The following EMC4 variants were observed in gnomAD, a reference collection of about 807,000 sequenced individuals.
EMC4 encodes ER membrane protein complex subunit 4.
EMC4 carries 9 observed loss-of-function variants against 24.2 expected under a neutral mutation model. That is an observed-to-expected ratio of 0.37 (90% CI 0.22 to 0.65). EMC4 has a LOEUF of 0.65. Among genes scored for constraint, EMC4 ranks in the 30% least tolerant of loss-of-function variants. EMC4 has a pLI of 0.59. For synonymous variants in EMC4, 86 were observed against 81.1 expected (o/e 1.06, Z -0.32); for missense variants, 169 against 234.6 (o/e 0.72, Z 1.83).
chr15:34,229,924 G>C lies in EMC4; in HGVS notation c.*136G>C, dbSNP rs756260507. The C allele has an allele frequency of 1.3e-6, 1 of 799,572 alleles. No individual in the cohort carries two copies. Among genetic ancestry groups the C allele is most frequent in the South Asian group, 1.4e-5 (1 of 69,270 alleles). The allele number at this position is 799,572 out of a possible 1,614,324, so 49.5% of individuals were successfully genotyped here. On this transcript the variant is annotated 3_prime_UTR_variant, in exon 5 of 5. Transcript: ENST00000267750. ...ACCAAAAGACTCTTTTCTCCATGGT[G>C]GGGTGACAGGTCCTAGAAGGACAAT...
At chr15:34,225,381 C>A in intron 1 of EMC4, 155 bp from the exon 2 acceptor site, 1 of 795,990 alleles carries the variant, frequency 1.3e-6, no homozygotes, top group Non-Finnish European at 2.1e-6. Flanking sequence ...ATCAGTCCTC[C>A]TGATAAGTCA....
chr15:34,225,502 G>A (rs1728530770), intron 1 of EMC4, 34 bp from the exon 2 acceptor site: 1 of 1,482,380 alleles, frequency 6.7e-7, no homozygotes, highest in African/African-American at 1.4e-5. Context: ...AGTATCGGAG[G>A]TTGCAGCTTT....
intron 4 of EMC4, 57 bp downstream of exon 4, chr15:34,228,646 C>A: frequency 1.5e-6 from 2 of 1,334,174 alleles, no homozygotes; most frequent in Admixed American, 2.4e-5. Flanking sequence ...GAATAGCTGA[C>A]CTACTTGATG....
chr15:34,228,761 G>GGCTCACT, intron 4 of EMC4, 172 bp downstream of exon 4: 1 of 495,494 alleles, frequency 2.0e-6, no homozygotes, highest in South Asian at 2.9e-5. Context: ...GCATGATCTC[G>GGCTCACT]GCAACCTCCG....
At position 34,227,724 on chromosome 15, in the gene EMC4, A is replaced by T. The variant is rs781556627; in HGVS notation, c.233A>T (p.Lys78Ile). ...RCWDIALGPLKQIPMNLFIMY... is the reference protein window; with the variant it reads ...RCWDIALGPLIQIPMNLFIMY... ...TGGGACATCGCCTTGGGTCCCCTCA[A>T]ACAGATTCCCATGAATCTCTTCATC... The change falls in exon 3 of 5, where the codon AAA (lysine) becomes ATA (isoleucine). Residue 78 changes from lysine (K) to isoleucine (I), a missense_variant. Coordinates refer to ENST00000267750, the MANE Select transcript of EMC4 (RefSeq NM_016454.4). 1 of 1,614,004 alleles carries T rather than the reference A, an allele frequency of 6.2e-7. No homozygotes were observed. The highest frequency in any genetic ancestry group is 8.5e-7 in the Non-Finnish European group (1 of 1,179,956).
At position 34,227,845 on chromosome 15, in the gene EMC4, CAGTA is replaced by C. The variant is rs1395053566; in HGVS notation, c.355+4_355+7del. ...TTCAGGCACTTATGGCCATTTCAGCCAGTAAGTATTCTTGAAACAATAACCCTTC... is the reference window on the plus strand; with the variant it reads ...TTCAGGCACTTATGGCCATTTCAGCCAGTATTCTTGAAACAATAACCCTTC... On this transcript the variant is annotated splice_donor_variant and splice_donor_region_variant and coding_sequence_variant and intron_variant, in exon 3 of 5. Coordinates refer to ENST00000267750, the MANE Select transcript of EMC4 (RefSeq NM_016454.4). LOFTEE classifies it high-confidence loss of function. 2 of 1,613,132 alleles carry C rather than the reference CAGTA, an allele frequency of 1.2e-6. No individual in the cohort carries two copies. Among genetic ancestry groups the C allele is most frequent in the East Asian group, 4.5e-5 (2 of 44,842 alleles).
rs1194299906 is a variant in EMC4 at position 34,228,598 on chromosome 15, A to G, written c.516+9A>G. The G allele has an allele frequency of 1.2e-6, 2 of 1,607,250 alleles. No individual in the cohort carries two copies. Among genetic ancestry groups the G allele is most frequent in the South Asian group, 1.1e-5 (1 of 89,854 alleles). On this transcript the variant is annotated intron_variant, in intron 4 of 4. Transcript: ENST00000267750. The stretch of plus-strand genomic sequence containing the variant: ...TCATTGAGCCCCCTGAGGTAAGGCA[A>G]AAGAAAAGCTGAATTTTGGGTAGTT...
At position 34,225,141 on chromosome 15, in the gene EMC4, T is replaced by C; in HGVS notation, c.27T>C (p.Ala9=). The change falls in exon 1 of 5, where the codon GCT becomes GCC. Residue 9 remains alanine (A), a synonymous_variant. Transcript: ENST00000267750. MTAQGGLV[A]NRGRRFKWAI... ...TGACGGCCCAGGGGGGCCTGGTGGCTAACCGAGGCCGGCGCTTCAAGTGGG... is the reference window on the plus strand; with the variant it reads ...TGACGGCCCAGGGGGGCCTGGTGGCCAACCGAGGCCGGCGCTTCAAGTGGG... 3 of 1,551,646 alleles carry C rather than the reference T, an allele frequency of 1.9e-6. No individual in the cohort carries two copies. In the South Asian group the frequency reaches 3.6e-5, roughly 18 times the overall value.
At chr15:34,225,857 A>T (rs987415855) in intron 2 of EMC4, 1 of 618,938 alleles carries the variant, frequency 1.6e-6, no homozygotes. Context: ...AACATAAGGT[A>T]TAAGAAAGTA....
chr15:34,229,877 C>A lies in EMC4; in HGVS notation c.*89C>A. 2 of 1,222,932 alleles carry A rather than the reference C, an allele frequency of 1.6e-6. No homozygotes were observed. The highest frequency in any genetic ancestry group is 2.4e-6 in the Non-Finnish European group (2 of 825,692). 75.8% of individuals were successfully genotyped at this position (1,222,932 alleles called of 1,614,324 possible). On this transcript the variant is annotated 3_prime_UTR_variant, in exon 5 of 5. Transcript: ENST00000267750. ...AGTGGCTCCTCAGCATACTCTTAAA[C>A]TAATCACTTATGTTAAAAAGAACCA... is the stretch of plus-strand genomic sequence containing the variant.
rs1024261011 is a variant in EMC4 at position 34,225,419 on chromosome 15, T to A, written c.87-117T>A. 87 of 856,270 alleles carry A rather than the reference T, an allele frequency of 1.0e-4. 1 individual carries two copies. Among genetic ancestry groups the A allele is most frequent in the Non-Finnish European group, 2.1e-5 (11 of 517,422 alleles). 53.0% of individuals were successfully genotyped at this position (856,270 alleles called of 1,614,324 possible). A position where few individuals can be genotyped will look rare whatever the true frequency, so the allele number is the denominator to read the frequency against. On this transcript the variant is annotated intron_variant, in intron 1 of 4. Coordinates refer to ENST00000267750, the MANE Select transcript of EMC4 (RefSeq NM_016454.4). ...GGACTGAGGAACATACGAGGGGGCT[T>A]GGTCTAATCTGAGTAGGTGCATCTG...
Position 34,227,680 on chromosome 15 carries a change from T to C in EMC4, c.202-13T>C. ...TAGTGATCAGAGGGTTAAAATTGTGTGTTTTGTTTTAGCGCTGCTGGGACA... is the reference window on the plus strand; with the variant it reads ...TAGTGATCAGAGGGTTAAAATTGTGCGTTTTGTTTTAGCGCTGCTGGGACA... On this transcript the variant is annotated splice_polypyrimidine_tract_variant and intron_variant, in intron 2 of 4. Transcript: ENST00000267750. 1 of 1,611,040 alleles carries C rather than the reference T, an allele frequency of 6.2e-7. No individual in the cohort carries two copies. The highest frequency in any genetic ancestry group is 8.5e-7 in the Non-Finnish European group (1 of 1,177,512).
In EMC4 at chr15:34,229,902, A is replaced by AAAAG; in HGVS notation, c.*116_*119dup. 1 of 999,732 alleles carries AAAAG rather than the reference A, an allele frequency of 1.0e-6. No homozygotes were observed. The highest frequency in any genetic ancestry group is 1.3e-5 in the South Asian group (1 of 75,552). 61.9% of individuals were successfully genotyped at this position (999,732 alleles called of 1,614,324 possible). A position where few individuals can be genotyped will look rare whatever the true frequency, so the allele number is the denominator to read the frequency against. On this transcript the variant is annotated 3_prime_UTR_variant, in exon 5 of 5. Transcript: ENST00000267750. Reference sequence around the variant, plus strand: ...CTAATCACTTATGTTAAAAAGAACCAAAAGACTCTTTTCTCCATGGTGGGG... The same window carrying AAAAG: ...CTAATCACTTATGTTAAAAAGAACCAAAAGAAAGACTCTTTTCTCCATGGTGGGG...
chr15:34,227,075 A>G (rs1224212775), intron 2 of EMC4: 3 of 152,136 alleles, frequency 2.0e-5, no homozygotes, highest in East Asian at 1.9e-4. Context: ...CTAGTTTAAT[A>G]TCATTGTAGT....
chr15:34,227,169 T>C (rs1183172224), intron 2 of EMC4: 1 of 152,316 alleles, frequency 6.6e-6, no homozygotes, highest in Admixed American at 6.5e-5. Context: ...TTTGTGAATA[T>C]CTTGTTTGAA....
In EMC4 at chr15:34,230,101, C is replaced by G; in HGVS notation, c.*313C>G. Reference sequence around the variant, plus strand: ...AGAATAACTGCTGCTAAATCAAGAACTGTTGCAGCATCTCCTTTCAATAAA... The same window carrying G: ...AGAATAACTGCTGCTAAATCAAGAAGTGTTGCAGCATCTCCTTTCAATAAA... On this transcript the variant is annotated 3_prime_UTR_variant, in exon 5 of 5. Coordinates refer to ENST00000267750, the MANE Select transcript of EMC4 (RefSeq NM_016454.4). The G allele has an allele frequency of 2.8e-6, 1 of 354,692 alleles. No individual in the cohort carries two copies. The highest frequency in any genetic ancestry group is 7.0e-5 in the South Asian group (1 of 14,350). The allele number at this position is 354,692 out of a possible 1,614,324, so 22.0% of individuals were successfully genotyped here.
chr15:34,230,156 A>G lies in EMC4; in HGVS notation c.*368A>G, dbSNP rs1166782573. The G allele has an allele frequency of 8.9e-6, 2 of 223,510 alleles. No homozygotes were observed. The highest frequency in any genetic ancestry group is 1.7e-5 in the Non-Finnish European group (2 of 115,584). 13.8% of individuals were successfully genotyped at this position (223,510 alleles called of 1,614,324 possible). On this transcript the variant is annotated 3_prime_UTR_variant, in exon 5 of 5. Transcript: ENST00000267750. ...ATGGTTGAGAACAATGCATAAAAAA[A>G]GTTGCACAAGTTCCTTATTTTCCTT...
rs773200482 is a variant in EMC4, at chr15:34,227,702, G to A, written c.211G>A (p.Asp71Asn). ...GTGTGTTTTGTTTTAGCGCTGCTGGGACATCGCCTTGGGTCCCCTCAAACA... is the reference window on the plus strand; with the variant it reads ...GTGTGTTTTGTTTTAGCGCTGCTGGAACATCGCCTTGGGTCCCCTCAAACA... ...DRILVEKRCW[D>N]IALGPLKQIP... The change falls in exon 3 of 5, where the codon GAC becomes AAC. Residue 71 changes from aspartate (D) to asparagine (N), a missense_variant. Transcript: ENST00000267750. 1 of 1,613,830 alleles carries A rather than the reference G, an allele frequency of 6.2e-7. No homozygotes were observed. The highest frequency in any genetic ancestry group is 8.5e-7 in the Non-Finnish European group (1 of 1,179,772).
At position 34,228,518 on chromosome 15, in the gene EMC4, T is replaced by C. The variant is rs1890715841; in HGVS notation, c.445T>C (p.Tyr149His). 1 of 1,613,996 alleles carries C rather than the reference T, an allele frequency of 6.2e-7. No homozygotes were observed. The highest frequency in any genetic ancestry group is 1.3e-5 in the African/African-American group (1 of 74,918). The change falls in exon 4 of 5, where the codon TAC (tyrosine) becomes CAC (histidine). Residue 149 changes from tyrosine to histidine, a missense_variant. Physicochemically the swap from Tyr to His is moderately conservative, Grantham distance 83. Transcript: ENST00000267750. ...GNLMGLALAVYKCQSMGLLPT... is the reference protein window; with the variant it reads ...GNLMGLALAVHKCQSMGLLPT... ...CCTGATGGGTTTGGCATTGGCTGTTTACAAGTGCCAGTCCATGGGACTGTT... is the reference window on the plus strand; with the variant it reads ...CCTGATGGGTTTGGCATTGGCTGTTCACAAGTGCCAGTCCATGGGACTGTT...
Sources: gnomAD v4.1 joint callset for allele counts on GRCh38, gnomAD v4.1.1 for gene constraint, MANE v1.5 for transcripts, NCBI Gene and HGNC (gene_info 2026-07-23, HGNC 2026-07-21) for gene names.